The following PID1 variants were observed in gnomAD, a reference collection of about 807,000 sequenced individuals.
The protein encoded by PID1 is phosphotyrosine interaction domain containing 1, also known as PTB-containing, cubilin and LRP1-interacting protein.
A neutral mutation model predicts 19.1 loss-of-function variants in PID1; 10 were observed. The ratio of observed to expected loss-of-function variants is 0.52; its 90% CI spans 0.32 to 0.89. The LOEUF is 0.89. PID1 is among the 40% of genes least tolerant of loss of function. The pLI, the probability that PID1 is intolerant of heterozygous loss-of-function variation, is 0.03. For missense variants in PID1, 248 were observed against 285.3 expected (o/e 0.87, Z 0.94); for synonymous variants, 130 against 116.0 (o/e 1.12, Z -0.78).
intron 1 of PID1, among the ~76,000 whole-genome samples, chr2:229,210,235 G>A (rs1202316446): frequency 2.0e-5 from 3 of 151,970 alleles, no homozygotes; most frequent in Non-Finnish European, 2.9e-5. Flanking sequence ...AGGCAAGGCC[G>A]GGCATGGCGG....
At chr2:229,201,901 AT>A (rs970379401) in intron 1 of PID1, among the ~76,000 whole-genome samples, 9 of 151,704 alleles carry the variant, frequency 5.9e-5, no homozygotes, top group African/African-American at 1.4e-4. Context: ...CTTCCATGGC[AT>A]TTTTTTTCTT....
At chr2:229,062,597 C>T (rs1009429995) in intron 2 of PID1, among the ~76,000 whole-genome samples, 4 of 151,592 alleles carry the variant, frequency 2.6e-5, no homozygotes, top group African/African-American at 9.7e-5. Flanking sequence ...ATGATGATTA[C>T]CAAAATCACA....
At position 229,043,536 on chromosome 2, in the gene PID1, C is replaced by G. The variant is rs148462210; in HGVS notation, c.178-17428G>C. ...ACTCAGGATATTTTGAGACGAACGG[C>G]TACTTCAGCAAGCACATTTATTTTT... On this transcript the variant is annotated intron_variant, in intron 2 of 2. Coordinates refer to ENST00000392055, the MANE Select transcript of PID1 (RefSeq NM_001100818.2). Among the ~76,000 whole-genome samples the G allele has an allele frequency of 1.5e-3, 222 of 152,332 alleles. 3 individuals carry two copies. The East Asian group carries it at 0.034, about 24-fold the overall frequency.
chr2:229,096,084 T>C (rs1243126570), intron 2 of PID1, among the ~76,000 whole-genome samples: 4 of 152,212 alleles, frequency 2.6e-5, no homozygotes, highest in Admixed American at 6.5e-5. Flanking sequence ...AGGCAAAGTC[T>C]GTAATTTTGT....
intron 1 of PID1, among the ~76,000 whole-genome samples, chr2:229,260,905 T>A (rs1313101926): frequency 6.8e-6 from 1 of 146,942 alleles, no homozygotes; most frequent in Non-Finnish European, 1.5e-5. Context: ...AATTCCACAC[T>A]ATTATAGATT....
chr2:229,173,202 G>C (rs1285456560), intron 1 of PID1, among the ~76,000 whole-genome samples: 2 of 152,096 alleles, frequency 1.3e-5, no homozygotes, highest in Non-Finnish European at 2.9e-5. Flanking sequence ...AACAACCCAG[G>C]ACTAGATATC....
chr2:229,056,413 G>A (rs925485448), intron 2 of PID1, among the ~76,000 whole-genome samples: 2 of 152,050 alleles, frequency 1.3e-5, no homozygotes, highest in Non-Finnish European at 2.9e-5. Context: ...ACTTGCCTTT[G>A]ATCTCTGAAC....
intron 2 of PID1, among the ~76,000 whole-genome samples, chr2:229,134,384 C>A (rs1327511033): frequency 1.4e-5 from 2 of 142,536 alleles, no homozygotes; most frequent in Admixed American, 7.3e-5. Flanking sequence ...GGGCTACAGG[C>A]GCCTGTCACC....
rs539581517 is a variant in PID1 at position 229,239,859 on chromosome 2, TACTC to T, written c.30+31151_30+31154del. On this transcript the variant is annotated intron_variant, in intron 1 of 2. Transcript: ENST00000392055. ...AACTACATGTAAGAGTACACATAAA[TACTC>T]ACAAGACAGAGGCGTAAAAGATAAT... 8.6e-4 allele frequency among the ~76,000 whole-genome samples: 131 copies of T among 152,282 alleles called. 2 individuals carry two copies. The highest frequency in any genetic ancestry group is 3.9e-3 in the South Asian group (19 of 4,824).
At chr2:229,247,154 G>A (rs1690025734) in intron 1 of PID1, among the ~76,000 whole-genome samples, 2 of 152,198 alleles carry the variant, frequency 1.3e-5, no homozygotes, top group African/African-American at 4.8e-5. Context: ...AAAGCACGGT[G>A]TATCATTGAG....
intron 2 of PID1, among the ~76,000 whole-genome samples, chr2:229,071,814 A>G (rs1348392870): frequency 6.6e-6 from 1 of 152,232 alleles, no homozygotes; most frequent in Non-Finnish European, 1.5e-5. Flanking sequence ...AAAAGATATT[A>G]TGGTGAAAAA....
At chr2:229,268,685 T>C (rs1690656977) in intron 1 of PID1, among the ~76,000 whole-genome samples, 1 of 152,186 alleles carries the variant, frequency 6.6e-6, no homozygotes, top group African/African-American at 2.4e-5. Flanking sequence ...CAGACATCAT[T>C]AAAGAGCAGA....
chr2:229,234,339 T>C (rs1692278711), intron 1 of PID1, among the ~76,000 whole-genome samples: 1 of 145,586 alleles, frequency 6.9e-6, no homozygotes, highest in Non-Finnish European at 1.5e-5. Flanking sequence ...AATTCAAGGG[T>C]CTTTTAAATG....
intron 2 of PID1, among the ~76,000 whole-genome samples, chr2:229,054,540 T>C (rs532167730): frequency 2.0e-5 from 3 of 152,140 alleles, no homozygotes; most frequent in African/African-American, 7.2e-5. Flanking sequence ...TCAACCGCAA[T>C]GTGACCAGCC....
chr2:229,067,111 G>A lies in PID1; in HGVS notation c.178-41003C>T, dbSNP rs558357517. 4.6e-5 allele frequency among the ~76,000 whole-genome samples: 7 copies of A among 152,166 alleles called. No homozygotes were observed. The East Asian group carries it at 1.4e-3, about 30-fold the overall frequency. On this transcript the variant is annotated intron_variant, in intron 2 of 2. Coordinates refer to ENST00000392055, the MANE Select transcript of PID1 (RefSeq NM_001100818.2). Reference sequence around the variant, plus strand: ...CAAACACGTTCTTCTTCACATTGGGGCAGGAAGGAGAAGTGCCGAGCAAAA... The same window carrying A: ...CAAACACGTTCTTCTTCACATTGGGACAGGAAGGAGAAGTGCCGAGCAAAA...
At chr2:229,143,600 G>T (rs982744991) in intron 2 of PID1, among the ~76,000 whole-genome samples, 1 of 152,112 alleles carries the variant, frequency 6.6e-6, no homozygotes, top group African/African-American at 2.4e-5. Context: ...TTTAAAGCTT[G>T]CAAAGTGTTG....
At chr2:229,185,140 G>A in intron 1 of PID1, among the ~76,000 whole-genome samples, 1 of 147,846 alleles carries the variant, frequency 6.8e-6, no homozygotes. Context: ...TATTGGTTCT[G>A]TTTTCCCAGA....
At chr2:229,061,377 G>A (rs113912084) in intron 2 of PID1, among the ~76,000 whole-genome samples, 21 of 151,768 alleles carry the variant, frequency 1.4e-4, no homozygotes, top group Admixed American at 1.1e-3. Context: ...TCTCCATTGC[G>A]TGCTCTTGGC....
At position 229,024,375 on chromosome 2, in the gene PID1, CA is replaced by C. The variant is rs1347749445; in HGVS notation, c.*1256del. On this transcript the variant is annotated 3_prime_UTR_variant, in exon 3 of 3. Coordinates refer to ENST00000392055, the MANE Select transcript of PID1 (RefSeq NM_001100818.2). Reference sequence around the variant, plus strand: ...TCCAATGTGTGTATTTTAACAAATACAATTTCATTCTATGTTGACTCTGTGT... The same window carrying C: ...TCCAATGTGTGTATTTTAACAAATACATTTCATTCTATGTTGACTCTGTGT... 12 of 152,544 alleles carry C rather than the reference CA, an allele frequency of 7.9e-5. No homozygotes were observed. Among genetic ancestry groups the C allele is most frequent in the African/African-American group, 2.9e-4 (12 of 41,538 alleles). 9.4% of individuals were successfully genotyped at this position (152,544 alleles called of 1,614,324 possible).
Sources: allele counts gnomAD v4.1 joint callset (sites outside exome capture counted in the v4.1 genomes callset), GRCh38; gene constraint gnomAD v4.1.1; transcripts MANE v1.5; gene names NCBI Gene and HGNC (gene_info 2026-07-23, HGNC 2026-07-21).